RARB: variants seen among roughly 807,000 people sequenced by gnomAD.
The protein encoded by RARB is retinoic acid receptor beta.
Under a neutral mutation model 51.9 loss-of-function variants are expected in RARB, and 17 were observed. That is an observed-to-expected ratio of 0.33 (90% CI 0.22 to 0.49). The LOEUF is 0.49. RARB is among the 20% of genes least tolerant of loss of function. The pLI is 0.99. For synonymous variants in RARB, 215 were observed against 195.4 expected (o/e 1.10, Z -0.84); for missense variants, 369 against 550.8 (o/e 0.67, Z 3.30).
At chr3:25,208,866 T>G (rs1195760413) in intron 5 of RARB, among the ~76,000 whole-genome samples, 1 of 152,120 alleles carries the variant, frequency 6.6e-6, no homozygotes, top group Non-Finnish European at 1.5e-5. Flanking sequence ...GCCTGCCTAC[T>G]TCATTATCTT....
In RARB at chr3:24,992,477, T is replaced by C. The variant is rs545188398; in HGVS notation, c.-379-67648T>C. 2.0e-5 allele frequency among the ~76,000 whole-genome samples: 3 copies of C among 152,284 alleles called. No individual in the cohort carries two copies. In the East Asian group the frequency reaches 5.8e-4, roughly 29 times the overall value. ...CCAGAGAAAATTTGGTGGATGTTTC[T>C]CCTGTGACAGATTAAGAAAAAGCAC... On this transcript the variant is annotated intron_variant, in intron 2 of 11. Coordinates refer to the RARB transcript ENST00000383772.
At chr3:25,176,333 C>G (rs1700745856) in intron 5 of RARB, among the ~76,000 whole-genome samples, 1 of 51,986 alleles carries the variant, frequency 1.9e-5, no homozygotes, top group African/African-American at 6.2e-5. Context: ...TTCTTTCTTT[C>G]TTTCCTTCCT....
intron 2 of RARB, among the ~76,000 whole-genome samples, chr3:24,877,244 C>T (rs1055947026): frequency 6.6e-5 from 10 of 150,750 alleles, no homozygotes; most frequent in African/African-American, 2.4e-4. Context: ...AAACACAGTT[C>T]TGAAAAAGAG....
intron 5 of RARB, among the ~76,000 whole-genome samples, chr3:25,398,430 T>C (rs954628788): frequency 2.0e-5 from 3 of 152,168 alleles, no homozygotes; most frequent in Non-Finnish European, 4.4e-5. Flanking sequence ...ATAGACGGTA[T>C]CACTAAGACA....
chr3:25,161,497 T>C (rs1179805077), intron 4 of RARB, among the ~76,000 whole-genome samples: 3 of 152,158 alleles, frequency 2.0e-5, no homozygotes, highest in Non-Finnish European at 4.4e-5. Context: ...CCTAACTCCA[T>C]GTCCTTTTAA....
At chr3:25,089,430 G>T (rs1232727264) in intron 3 of RARB, among the ~76,000 whole-genome samples, 1 of 151,940 alleles carries the variant, frequency 6.6e-6, no homozygotes, top group African/African-American at 2.4e-5. Flanking sequence ...GATAAATAAA[G>T]GAAGTACAAA....
intron 3 of RARB, among the ~76,000 whole-genome samples, chr3:25,119,062 A>T (rs1699737005): frequency 6.6e-6 from 1 of 152,170 alleles, no homozygotes; most frequent in Admixed American, 6.5e-5. Flanking sequence ...ATATCCCAGG[A>T]TGTTTAAGCC....
At chr3:25,518,305 G>C (rs1245620384) in intron 3 of RARB, among the ~76,000 whole-genome samples, 1 of 151,988 alleles carries the variant, frequency 6.6e-6, no homozygotes, top group East Asian at 1.9e-4. Flanking sequence ...AAGGGGACAA[G>C]TTCAGTGACA....
intron 5 of RARB, among the ~76,000 whole-genome samples, chr3:25,276,872 G>A (rs1415685169): frequency 6.6e-6 from 1 of 152,144 alleles, no homozygotes; most frequent in Non-Finnish European, 1.5e-5. Flanking sequence ...GTATATATTG[G>A]CAGTAATCTG....
intron 2 of RARB, among the ~76,000 whole-genome samples, chr3:25,040,758 T>C (rs1478063584): frequency 6.6e-6 from 1 of 152,052 alleles, no homozygotes; most frequent in Non-Finnish European, 1.5e-5. Flanking sequence ...CTCAAAAAAA[T>C]AATAATTCAC....
chr3:25,321,728 T>TA (rs996897025), intron 5 of RARB, among the ~76,000 whole-genome samples: 8 of 150,050 alleles, frequency 5.3e-5, no homozygotes, highest in Admixed American at 2.6e-4. Context: ...AAAAATAAAT[T>TA]AAAAAAAAAT....
At chr3:25,186,659 G>A (rs1371988043) in intron 5 of RARB, among the ~76,000 whole-genome samples, 1 of 152,056 alleles carries the variant, frequency 6.6e-6, no homozygotes, top group Admixed American at 6.6e-5. Context: ...GGAAATGAAT[G>A]AAATGATAAT....
At chr3:24,860,982 A>G (rs1481978322) in intron 2 of RARB, among the ~76,000 whole-genome samples, 1 of 152,228 alleles carries the variant, frequency 6.6e-6, no homozygotes, top group East Asian at 1.9e-4. Context: ...TCACACAATG[A>G]CAAAATCACC....
intron 1 of RARB, among the ~76,000 whole-genome samples, chr3:24,852,940 T>G (rs1261439884): frequency 6.6e-6 from 1 of 152,068 alleles, no homozygotes; most frequent in Non-Finnish European, 1.5e-5. Context: ...AACTCTAAAT[T>G]TACTAAAAAC....
chr3:24,974,585 C>T (rs1017952350), intron 2 of RARB, among the ~76,000 whole-genome samples: 2 of 152,060 alleles, frequency 1.3e-5, no homozygotes, highest in Non-Finnish European at 2.9e-5. Context: ...CATCAATAAT[C>T]TCTTAAATAA....
intron 2 of RARB, among the ~76,000 whole-genome samples, chr3:24,885,939 A>G (rs1703258360): frequency 6.6e-6 from 1 of 152,120 alleles, no homozygotes; most frequent in African/African-American, 2.4e-5. Context: ...TATGCCACCT[A>G]CTCATATATT....
At chr3:24,832,652 A>ATATATATATATATATATATATATAG (rs1491520085) in intron 1 of RARB, among the ~76,000 whole-genome samples, 2 of 61,068 alleles carry the variant, frequency 3.3e-5, no homozygotes, top group African/African-American at 9.5e-5. Context: ...TATATATATA[A>ATATATATATATATATATATATATAG]TGTCAATTAA....
intron 2 of RARB, among the ~76,000 whole-genome samples, chr3:25,009,281 G>T (rs531492479): frequency 5.7e-4 from 86 of 152,210 alleles, no homozygotes; most frequent in Non-Finnish European, 1.2e-3. Context: ...TAGGTACTTC[G>T]TTCTATAATT....
At chr3:25,121,633 A>G (rs73049908) in intron 3 of RARB, among the ~76,000 whole-genome samples, 5,009 of 152,242 alleles carry the variant, frequency 0.033, 134 homozygotes, top group Non-Finnish European at 0.051. Context: ...TTTGCAAAGA[A>G]TATTTTTTTA....
Sources: gnomAD v4.1 joint callset for allele counts (sites outside exome capture counted in the v4.1 genomes callset) on GRCh38, gnomAD v4.1.1 for gene constraint, MANE v1.5 for transcripts, NCBI Gene and HGNC (gene_info 2026-07-23, HGNC 2026-07-21) for gene names.